The following LRBA variants were observed in gnomAD, a reference collection of about 807,000 sequenced individuals.
LRBA encodes the protein lipopolysaccharide-responsive and beige-like anchor protein.
Under a neutral mutation model 330.0 loss-of-function variants are expected in LRBA, and 176 were observed. The observed-to-expected ratio is 0.53, with a 90% CI of 0.47 to 0.60. LRBA has a LOEUF of 0.60. Ranked by LOEUF, LRBA falls within the 20% of genes least tolerant of loss-of-function variation. LRBA has a pLI of 0.00. For missense variants in LRBA, 3,259 were observed against 3,444.8 expected, an observed-to-expected ratio of 0.95 and a Z score of 1.35; for synonymous variants, 1,230 against 1,193.0, an observed-to-expected ratio of 1.03 and a Z score of -0.64.
intron 11 of LRBA, among the ~76,000 whole-genome samples, chr4:150,907,544 C>T (rs1731487847): frequency 6.6e-6 from 1 of 151,568 alleles, no homozygotes; most frequent in African/African-American, 2.4e-5. Flanking sequence ...ATAATGAGGA[C>T]AATTACCATT....
chr4:150,518,890 G>T (rs1762635131), intron 40 of LRBA, among the ~76,000 whole-genome samples: 1 of 151,990 alleles, frequency 6.6e-6, no homozygotes, highest in Non-Finnish European at 1.5e-5. Context: ...TAATTTTCTG[G>T]GGTACTGTGG....
Position 150,583,719 on chromosome 4 carries a change from G to A in LRBA, c.6330+4329C>T. On this transcript the variant is annotated intron_variant, in intron 40 of 56. Transcript: ENST00000651943. This position sits in a 1 kb window ranked among gnomAD's most constrained non-coding sequence, Gnocchi z 9.8. ...AGAGCTCGGCAGAGAGCGACGCCTG[G>A]GTGCTACAGTTCGGGGAGGCGGAGA... The A allele has an allele frequency of 6.2e-7, 1 of 1,613,544 alleles. No homozygotes were observed. The highest frequency in any genetic ancestry group is 1.1e-5 in the South Asian group (1 of 90,958).
intron 38 of LRBA, among the ~76,000 whole-genome samples, chr4:150,594,142 T>C (rs576487197): frequency 6.6e-6 from 1 of 152,196 alleles, no homozygotes; most frequent in Non-Finnish European, 1.5e-5. Flanking sequence ...GAAAAACCTC[T>C]TGTCATGGAA....
chr4:150,647,681 C>T (rs1376152135), intron 37 of LRBA, among the ~76,000 whole-genome samples: 1 of 152,014 alleles, frequency 6.6e-6, no homozygotes, highest in East Asian at 1.9e-4. Flanking sequence ...GCATGAGCCA[C>T]CACACTCAGC....
At chr4:150,429,325 C>T (rs1750060120) in intron 46 of LRBA, among the ~76,000 whole-genome samples, 1 of 151,952 alleles carries the variant, frequency 6.6e-6, no homozygotes, top group Non-Finnish European at 1.5e-5. Context: ...ATCAAAGGTG[C>T]TGAGGTCAGA....
At chr4:150,658,505 GTCT>G (rs1561481076) in intron 37 of LRBA, among the ~76,000 whole-genome samples, 1 of 21,140 alleles carries the variant, frequency 4.7e-5, no homozygotes, top group African/African-American at 6.5e-5. Context: ...GAAAATAAAA[GTCT>G]CCCTCTCCCT....
intron 31 of LRBA, among the ~76,000 whole-genome samples, chr4:150,814,812 T>G (rs559332634): frequency 1.8e-3 from 269 of 152,134 alleles, no homozygotes; most frequent in Non-Finnish European, 2.5e-3. Context: ...ATTTTGCCAA[T>G]AAATGTAACA....
intron 36 of LRBA, chr4:150,721,538 G>A (rs1728934987): frequency 9.6e-6 from 2 of 208,212 alleles, no homozygotes; most frequent in Non-Finnish European, 1.9e-5. Context: ...TCTTCCTTTT[G>A]GGAAGACAAT....
chr4:150,269,717 G>A (rs1745817679), intron 56 of LRBA, among the ~76,000 whole-genome samples: 1 of 152,196 alleles, frequency 6.6e-6, no homozygotes, highest in Non-Finnish European at 1.5e-5. Context: ...GGCTGAGTCA[G>A]CAGGATTGTT....
intron 42 of LRBA, among the ~76,000 whole-genome samples, chr4:150,474,144 AT>A (rs1350411482): frequency 6.6e-6 from 1 of 152,028 alleles, no homozygotes; most frequent in Non-Finnish European, 1.5e-5. Context: ...TTTTGAGTTA[AT>A]TTTTTTGACT....
chr4:150,778,612 G>A (rs2126577147), intron 34 of LRBA, among the ~76,000 whole-genome samples: 1 of 152,168 alleles, frequency 6.6e-6, no homozygotes, highest in Admixed American at 6.5e-5. Context: ...ATTTACTCAA[G>A]ATCTTTCACT....
intron 37 of LRBA, among the ~76,000 whole-genome samples, chr4:150,630,411 T>C: frequency 6.6e-6 from 1 of 151,818 alleles, no homozygotes; most frequent in Non-Finnish European, 1.5e-5. Flanking sequence ...TGTTGGAAGA[T>C]AATTGCAGAG....
In LRBA at chr4:150,279,131, A is replaced by G. The variant is rs145547198; in HGVS notation, c.8317-1127T>C. Among the ~76,000 whole-genome samples, 650 of 152,278 alleles carry G rather than the reference A, an allele frequency of 4.3e-3. 3 individuals are homozygous for G. The highest frequency in any genetic ancestry group is 0.014 in the African/African-American group (587 of 41,572). On this transcript the variant is annotated intron_variant, in intron 55 of 56. Coordinates refer to ENST00000651943, the MANE Select transcript of LRBA (RefSeq NM_001364905.1). ...GAACCACTGCGCCTGGCCTTCCATA[A>G]ATAAGGTTTTACCAGAACATCGCCA...
At chr4:150,646,965 G>A (rs564272100) in intron 37 of LRBA, among the ~76,000 whole-genome samples, 1 of 152,220 alleles carries the variant, frequency 6.6e-6, no homozygotes, top group African/African-American at 2.4e-5. Context: ...GAGATATTCA[G>A]TGTGTATGTG....
intron 34 of LRBA, among the ~76,000 whole-genome samples, chr4:150,788,239 ATTTTTTTTTTTTT>A (rs377479266): frequency 0.39 from 48,005 of 123,540 alleles, 9,880 homozygotes; most frequent in Non-Finnish European, 0.46. Flanking sequence ...CACCCGGTTA[ATTTTTTTTTTTTT>A]TTTTTTTTTT....
In LRBA at chr4:150,681,611, G is replaced by A. The variant is rs960161002; in HGVS notation, c.5921+1940C>T. Among the ~76,000 whole-genome samples the A allele has an allele frequency of 2.0e-5, 3 of 152,238 alleles. No homozygotes were observed. In the Middle Eastern group the frequency reaches 0.01, roughly 518 times the overall value. ...CATATTGTTTTTTAATGTAAGATGA[G>A]ATTTATAGAGAGGAAAATATTAATT... On this transcript the variant is annotated intron_variant, in intron 37 of 56. Transcript: ENST00000651943.
intron 22 of LRBA, among the ~76,000 whole-genome samples, chr4:150,864,541 T>C (rs1440157026): frequency 6.6e-6 from 1 of 152,028 alleles, no homozygotes; most frequent in Non-Finnish European, 1.5e-5. Flanking sequence ...GTTGCATATA[T>C]TGGTTTGGCT....
chr4:150,583,768 C>G lies in LRBA; in HGVS notation c.6330+4280G>C, dbSNP rs1771720768. 6.2e-7 allele frequency: 1 copy of G among 1,613,994 alleles called. No homozygotes were observed. The highest frequency in any genetic ancestry group is 8.5e-7 in the Non-Finnish European group (1 of 1,179,974). The stretch of plus-strand genomic sequence containing the variant: ...GAACCGCCTGCTGATGGGCGGCTGC[C>G]GAAACAAGTGCCTCTCAGTGCTGAA... On this transcript the variant is annotated intron_variant, in intron 40 of 56. Transcript: ENST00000651943. This position sits in a 1 kb window ranked among gnomAD's most constrained non-coding sequence, Gnocchi z 9.8.
chr4:150,316,566 C>G (rs1333495345), intron 50 of LRBA, among the ~76,000 whole-genome samples: 1 of 152,110 alleles, frequency 6.6e-6, no homozygotes, highest in Non-Finnish European at 1.5e-5. Context: ...CTATTTTCCC[C>G]AAACGACTCA....
Sources: allele counts gnomAD v4.1 joint callset (sites outside exome capture counted in the v4.1 genomes callset), GRCh38; gene constraint gnomAD v4.1.1; non-coding constraint Gnocchi (gnomAD v3.1); transcripts MANE v1.5; gene names NCBI Gene and HGNC (gene_info 2026-07-23, HGNC 2026-07-21).